The following TMEM117 variants were observed in gnomAD, a reference collection of about 807,000 sequenced individuals.
TMEM117 encodes the protein transmembrane protein 117.
TMEM117 carries 27 observed loss-of-function variants against 52.4 expected under a neutral mutation model. That is an observed-to-expected ratio of 0.51 (90% CI 0.38 to 0.71). The LOEUF (loss-of-function observed/expected upper bound fraction) is 0.71, where lower values mean the gene tolerates loss of function less well. TMEM117 is among the 30% of genes least tolerant of loss of function. The pLI is 0.00. For missense variants in TMEM117, 556 were observed against 630.5 expected, an observed-to-expected ratio of 0.88 and a Z score of 1.26; for synonymous variants, 215 against 206.3, an observed-to-expected ratio of 1.04 and a Z score of -0.36.
At chr12:43,873,426 G>T (rs1943739172) in intron 2 of TMEM117, among the ~76,000 whole-genome samples, 1 of 151,890 alleles carries the variant, frequency 6.6e-6, no homozygotes, top group African/African-American at 2.4e-5. Flanking sequence ...TGATGGAAAG[G>T]TATCAAATTC....
At chr12:43,806,260 G>A in the TMEM117 span, 1 of 1,521,450 alleles carries the variant, frequency 6.6e-7, no homozygotes, top group South Asian at 1.2e-5. Flanking sequence ...GCGGCCGCTA[G>A]CTCCCGGCTC....
chr12:43,852,693 A>G (rs1045694221), intron 2 of TMEM117, among the ~76,000 whole-genome samples: 3 of 152,234 alleles, frequency 2.0e-5, no homozygotes, highest in Non-Finnish European at 2.9e-5. Context: ...TAAGGGTTCA[A>G]GTTACTTTGA....
chr12:44,060,288 T>C (rs1260625751), intron 3 of TMEM117, among the ~76,000 whole-genome samples: 1 of 152,172 alleles, frequency 6.6e-6, no homozygotes, highest in Non-Finnish European at 1.5e-5. Flanking sequence ...ATAGCAACAA[T>C]AATCATTGCA....
rs114695449 is a variant in TMEM117 at position 44,367,910 on chromosome 12, A to C, written c.769-8685A>C. On this transcript the variant is annotated intron_variant, in intron 6 of 7. Coordinates refer to ENST00000266534, the MANE Select transcript of TMEM117 (RefSeq NM_032256.3). ...TTGATCCGACCACCTGGCCACCCTT[A>C]TTTAAATGGCTGTCATTTCACACCT... Among the ~76,000 whole-genome samples the C allele has an allele frequency of 6.1e-3, 925 of 152,202 alleles. 12 individuals are homozygous for C. The highest frequency in any genetic ancestry group is 0.02 in the African/African-American group (829 of 41,550).
intron 5 of TMEM117, among the ~76,000 whole-genome samples, chr12:44,251,611 A>T (rs778354375): frequency 6.6e-6 from 1 of 152,238 alleles, no homozygotes; most frequent in African/African-American, 2.4e-5. Context: ...AAAAAAGTAT[A>T]TATTGGATTA....
intron 3 of TMEM117, among the ~76,000 whole-genome samples, chr12:44,010,459 G>A (rs1455869185): frequency 6.6e-6 from 1 of 152,152 alleles, no homozygotes; most frequent in Non-Finnish European, 1.5e-5. Flanking sequence ...GGCCCTGGAA[G>A]ACCAGTTTTC....
intron 3 of TMEM117, among the ~76,000 whole-genome samples, chr12:44,135,031 T>G (rs1219699413): frequency 1.3e-5 from 2 of 152,106 alleles, no homozygotes; most frequent in African/African-American, 4.8e-5. Flanking sequence ...GCCCTCTCAC[T>G]CTCTGCCACT....
the TMEM117 span, among the ~76,000 whole-genome samples, chr12:43,802,064 T>C: frequency 0.013 from 1,996 of 152,166 alleles, 38 homozygotes; most frequent in African/African-American, 0.045. Context: ...TGCCACAAAT[T>C]TTTAAATCTT....
chr12:44,215,109 A>C (rs1949698581), intron 5 of TMEM117, among the ~76,000 whole-genome samples: 1 of 152,298 alleles, frequency 6.6e-6, no homozygotes, highest in Non-Finnish European at 1.5e-5. Context: ...TGTGAAAAAA[A>C]ATGTATGGTG....
chr12:44,181,961 T>C (rs916788299), intron 4 of TMEM117, among the ~76,000 whole-genome samples: 3 of 152,086 alleles, frequency 2.0e-5, no homozygotes, highest in Admixed American at 1.3e-4. Flanking sequence ...GCCATTTTCA[T>C]GATATTGATT....
At chr12:43,833,789 T>C (rs532072908), upstream of TMEM117, among the ~76,000 whole-genome samples, 2 of 148,394 alleles carry the variant, frequency 1.3e-5, no homozygotes, top group Admixed American at 6.7e-5. Context: ...ACTCTGTCTC[T>C]TTAAAAAAGA....
At chr12:43,924,947 C>T (rs1458327723) in intron 2 of TMEM117, among the ~76,000 whole-genome samples, 2 of 152,162 alleles carry the variant, frequency 1.3e-5, no homozygotes, top group African/African-American at 4.8e-5. Flanking sequence ...GAAGGCTTGA[C>T]TGGAAAGTTA....
intron 2 of TMEM117, among the ~76,000 whole-genome samples, chr12:43,887,580 A>G (rs916031068): frequency 1.4e-4 from 21 of 152,212 alleles, no homozygotes; most frequent in African/African-American, 4.8e-4. Flanking sequence ...CAGTGCAGAC[A>G]TTTGATCTCA....
chr12:44,050,053 G>C (rs1233788131), intron 3 of TMEM117, among the ~76,000 whole-genome samples: 1 of 152,218 alleles, frequency 6.6e-6, no homozygotes, highest in Non-Finnish European at 1.5e-5. Flanking sequence ...CAATTCTATA[G>C]CAGAATGAAG....
At chr12:44,196,588 G>T (rs1368498639) in intron 4 of TMEM117, among the ~76,000 whole-genome samples, 1 of 152,096 alleles carries the variant, frequency 6.6e-6, no homozygotes, top group Non-Finnish European at 1.5e-5. Context: ...TTAAAAATAT[G>T]TCCTAAAGCT....
At chr12:44,333,396 G>A (rs1254059995) in intron 6 of TMEM117, among the ~76,000 whole-genome samples, 2 of 151,960 alleles carry the variant, frequency 1.3e-5, no homozygotes, top group African/African-American at 4.8e-5. Flanking sequence ...TATTGATATG[G>A]TTTGGCTGTG....
chr12:44,223,236 A>G (rs899493012), intron 5 of TMEM117, among the ~76,000 whole-genome samples: 4 of 152,022 alleles, frequency 2.6e-5, no homozygotes, highest in African/African-American at 9.7e-5. Context: ...GTGTGTGAAC[A>G]CATAGATGAA....
intron 4 of TMEM117, among the ~76,000 whole-genome samples, chr12:44,204,591 T>C (rs981388268): frequency 1.3e-5 from 2 of 152,048 alleles, no homozygotes; most frequent in African/African-American, 4.8e-5. Context: ...AGAGCCCAAA[T>C]AGCCAAAGCA....
chr12:44,080,821 G>A (rs562994602), intron 3 of TMEM117, among the ~76,000 whole-genome samples: 1 of 152,240 alleles, frequency 6.6e-6, no homozygotes, highest in South Asian at 2.1e-4. Flanking sequence ...CTGATGTATT[G>A]TCTGTTACAT....
Sources: gnomAD v4.1 joint callset for allele counts (sites outside exome capture counted in the v4.1 genomes callset) on GRCh38, gnomAD v4.1.1 for gene constraint, MANE v1.5 for transcripts, NCBI Gene and HGNC (gene_info 2026-07-23, HGNC 2026-07-21) for gene names.